The following NXPE2 variants were observed in gnomAD, a reference collection of about 807,000 sequenced individuals.
NXPE2 encodes the protein neurexophilin and PC-esterase domain family member 2.
A neutral mutation model predicts 34.4 loss-of-function variants in NXPE2; 34 were observed. That is an observed-to-expected ratio of 0.99 (90% confidence interval 0.75 to 1.31). The LOEUF is 1.31. Ranked by LOEUF, NXPE2 falls within the 40% of genes most tolerant of loss-of-function variation. NXPE2 has a pLI of 0.00. For synonymous variants in NXPE2, 235 were observed against 231.3 expected, an observed-to-expected ratio of 1.02 and a Z score of -0.15; for missense variants, 649 against 672.5, an observed-to-expected ratio of 0.97 and a Z score of 0.39.
the NXPE2 span, among the ~76,000 whole-genome samples, chr11:114,544,544 A>G: frequency 6.6e-6 from 1 of 152,230 alleles, no homozygotes; most frequent in Admixed American, 6.5e-5. Context: ...ATGAGCCTAG[A>G]CACAGACCTC....
chr11:114,525,504 G>GTCTC, the NXPE2 span, among the ~76,000 whole-genome samples: 1 of 152,060 alleles, frequency 6.6e-6, no homozygotes, highest in Non-Finnish European at 1.5e-5. Context: ...GGGCTTCAGA[G>GTCTC]TCTCTCCCTC....
At chr11:114,597,019 A>G in the NXPE2 span, among the ~76,000 whole-genome samples, 1 of 152,234 alleles carries the variant, frequency 6.6e-6, no homozygotes, top group Admixed American at 6.5e-5. Context: ...GTGTATATGT[A>G]TAACAACATA....
the NXPE2 span, among the ~76,000 whole-genome samples, chr11:114,764,934 A>G: frequency 6.6e-6 from 1 of 152,106 alleles, no homozygotes; most frequent in African/African-American, 2.4e-5. Context: ...CATTATTTTC[A>G]AAGAAAGAGG....
the NXPE2 span, among the ~76,000 whole-genome samples, chr11:114,588,805 A>C: frequency 6.6e-6 from 1 of 152,160 alleles, no homozygotes; most frequent in Non-Finnish European, 1.5e-5. Flanking sequence ...AGCACTAATA[A>C]AACACACCTT....
At chr11:114,804,774 C>A in the NXPE2 span, among the ~76,000 whole-genome samples, 1 of 152,058 alleles carries the variant, frequency 6.6e-6, no homozygotes, top group Non-Finnish European at 1.5e-5. Context: ...ATTGTTGTGT[C>A]CTTGTAGGAA....
At chr11:114,605,091 C>T in the NXPE2 span, among the ~76,000 whole-genome samples, 6 of 150,802 alleles carry the variant, frequency 4.0e-5, no homozygotes, top group East Asian at 3.9e-4. Context: ...AATATTGCCT[C>T]GTGGGTAACA....
chr11:114,672,419 GA>G, the NXPE2 span, among the ~76,000 whole-genome samples: 1 of 151,438 alleles, frequency 6.6e-6, no homozygotes, highest in Non-Finnish European at 1.5e-5. Flanking sequence ...GAAGAACAGA[GA>G]AAAAAAGATG....
chr11:114,481,816 A>C, the NXPE2 span, among the ~76,000 whole-genome samples: 2 of 152,168 alleles, frequency 1.3e-5, no homozygotes. Flanking sequence ...TCAGTTGTGT[A>C]CTTTTCATTC....
the NXPE2 span, among the ~76,000 whole-genome samples, chr11:114,670,355 C>A: frequency 9.9e-5 from 15 of 151,932 alleles, no homozygotes; most frequent in Non-Finnish European, 1.9e-4. Context: ...AGAGACTATG[C>A]ACTTCTGGAG....
At chr11:114,502,606 G>GT in the NXPE2 span, among the ~76,000 whole-genome samples, 1 of 152,128 alleles carries the variant, frequency 6.6e-6, no homozygotes, top group Non-Finnish European at 1.5e-5. Context: ...CCTGTGTGAT[G>GT]TTTTTTCTAG....
At chr11:114,758,848 A>C in the NXPE2 span, among the ~76,000 whole-genome samples, 136 of 148,592 alleles carry the variant, frequency 9.2e-4, 1 homozygote, top group Admixed American at 2.1e-3. Flanking sequence ...TATATACATA[A>C]ATATATAACA....
chr11:114,805,691 G>A, the NXPE2 span, among the ~76,000 whole-genome samples: 1 of 152,214 alleles, frequency 6.6e-6, no homozygotes, highest in Non-Finnish European at 1.5e-5. Flanking sequence ...AAACAAAGCA[G>A]CCGGGAAGCT....
the NXPE2 span, among the ~76,000 whole-genome samples, chr11:114,564,601 G>T: frequency 2.0e-5 from 3 of 152,094 alleles, no homozygotes; most frequent in African/African-American, 7.2e-5. Context: ...CAGAGAGGGG[G>T]TGGTTGAGTA....
At chr11:114,465,886 ATGTT>A in the NXPE2 span, among the ~76,000 whole-genome samples, 14 of 152,148 alleles carry the variant, frequency 9.2e-5, no homozygotes, top group African/African-American at 2.9e-4. Context: ...TACTCAATAA[ATGTT>A]TATTATTGTT....
At chr11:114,799,168 C>T in the NXPE2 span, among the ~76,000 whole-genome samples, 1 of 151,100 alleles carries the variant, frequency 6.6e-6, no homozygotes, top group Non-Finnish European at 1.5e-5. Flanking sequence ...TCTTTAATTC[C>T]TATTGATAGA....
chr11:114,701,515 G>T (rs924182760), intron 3 of NXPE2, among the ~76,000 whole-genome samples: 5 of 152,238 alleles, frequency 3.3e-5, no homozygotes, highest in African/African-American at 1.2e-4. Context: ...CAGATCCCCT[G>T]CTCTATTCAA....
the NXPE2 span, chr11:114,522,582 A>G: frequency 1.1e-5 from 14 of 1,239,218 alleles, no homozygotes; most frequent in Non-Finnish European, 1.5e-5. Flanking sequence ...ATCATTTAAA[A>G]TACCCACCCT....
At chr11:114,778,635 G>A in the NXPE2 span, among the ~76,000 whole-genome samples, 2 of 152,160 alleles carry the variant, frequency 1.3e-5, no homozygotes, top group Non-Finnish European at 2.9e-5. Flanking sequence ...AGGGAAACCA[G>A]GCAAATGCCC....
chr11:114,528,025 G>C, the NXPE2 span: 1 of 625,380 alleles, frequency 1.6e-6, no homozygotes, highest in Non-Finnish European at 2.7e-6. Flanking sequence ...TATTATTGTT[G>C]TAAATTTTAG....
Sources: allele counts gnomAD v4.1 joint callset (sites outside exome capture counted in the v4.1 genomes callset), GRCh38; gene constraint gnomAD v4.1.1; transcripts MANE v1.5; gene names NCBI Gene and HGNC (gene_info 2026-07-23, HGNC 2026-07-21).